The following GFRA1 variants were observed in gnomAD, a reference collection of about 807,000 sequenced individuals.
GFRA1 encodes the protein GDNF family receptor alpha-1.
GFRA1 carries 16 observed loss-of-function variants against 51.6 expected under a neutral mutation model. The observed-to-expected ratio is 0.31, with a 90% CI of 0.21 to 0.47. GFRA1 has a LOEUF of 0.47. Ranked by LOEUF, GFRA1 falls within the 20% of genes least tolerant of loss-of-function variation. GFRA1 has a pLI of 1.00. For synonymous variants in GFRA1, 270 were observed against 241.3 expected (o/e 1.12, Z -1.10); for missense variants, 530 against 594.3 (o/e 0.89, Z 1.13).
chr10:116,184,198 T>C (rs971803820), intron 5 of GFRA1, among the ~76,000 whole-genome samples: 3 of 152,258 alleles, frequency 2.0e-5, no homozygotes, highest in Non-Finnish European at 4.4e-5. Context: ...GACAGGCAGC[T>C]TTCCTGACCC....
chr10:116,112,798 A>G (rs1433404820), intron 6 of GFRA1, among the ~76,000 whole-genome samples: 1 of 152,104 alleles, frequency 6.6e-6, no homozygotes, highest in African/African-American at 2.4e-5. Context: ...TAATTACTCA[A>G]CCCATTTCCA....
At chr10:116,217,110 G>A (rs1408043588) in intron 4 of GFRA1, among the ~76,000 whole-genome samples, 1 of 152,130 alleles carries the variant, frequency 6.6e-6, no homozygotes, top group Non-Finnish European at 1.5e-5. Context: ...GGGCAGTTCT[G>A]TTTTCAGTTG....
intron 6 of GFRA1, among the ~76,000 whole-genome samples, chr10:116,118,826 A>G (rs1337084587): frequency 2.6e-5 from 4 of 152,196 alleles, no homozygotes; most frequent in Non-Finnish European, 5.9e-5. Flanking sequence ...CAGGTGAAGA[A>G]AGACGTGCTG....
intron 4 of GFRA1, among the ~76,000 whole-genome samples, chr10:116,262,986 C>T (rs969637697): frequency 5.9e-5 from 9 of 152,218 alleles, no homozygotes; most frequent in African/African-American, 1.9e-4. Context: ...AACTCACTTC[C>T]GACCACAGAG....
intron 6 of GFRA1, among the ~76,000 whole-genome samples, chr10:116,117,404 T>G (rs1957451895): frequency 6.6e-6 from 1 of 152,094 alleles, no homozygotes; most frequent in South Asian, 2.1e-4. Flanking sequence ...CATAGCACTT[T>G]GTCCCTTCCT....
intron 5 of GFRA1, among the ~76,000 whole-genome samples, chr10:116,179,265 C>T (rs1007464928): frequency 2.6e-5 from 4 of 152,176 alleles, no homozygotes; most frequent in Non-Finnish European, 5.9e-5. Context: ...ACAAACCCTA[C>T]GAGGTAAGTA....
chr10:116,251,740 G>A (rs1358714874), intron 4 of GFRA1, among the ~76,000 whole-genome samples: 1 of 152,088 alleles, frequency 6.6e-6, no homozygotes, highest in Non-Finnish European at 1.5e-5. Context: ...AGGAAAAGCA[G>A]GTGAAATGGT....
Position 116,138,942 on chromosome 10 carries a change from C to T in GFRA1, c.434-13385G>A, listed in dbSNP as rs148822748. Among the ~76,000 whole-genome samples, 1,050 of 152,294 alleles carry T rather than the reference C, an allele frequency of 6.9e-3. 9 individuals carry two copies. Among genetic ancestry groups the T allele is most frequent in the African/African-American group, 0.024 (1,009 of 41,564 alleles). ...TGAAGTTTAAGCCTCAGAATTTTTA[C>T]ATTAAAATTCCTTAGTCAGGACCTC... On this transcript the variant is annotated intron_variant, in intron 5 of 10. Coordinates refer to ENST00000355422, the MANE Select transcript of GFRA1 (RefSeq NM_005264.8).
intron 9 of GFRA1, among the ~76,000 whole-genome samples, chr10:116,078,505 G>A (rs140232814): frequency 0.021 from 3,268 of 152,214 alleles, 51 homozygotes; most frequent in Middle Eastern, 0.037. Context: ...CTGTGATAAA[G>A]CTTCCAGGAG....
chr10:116,078,719 C>T (rs1348163959), intron 9 of GFRA1, among the ~76,000 whole-genome samples: 1 of 152,078 alleles, frequency 6.6e-6, no homozygotes, highest in Admixed American at 6.6e-5. Flanking sequence ...ACAAAAATAA[C>T]AGCGGGTGCT....
rs1844066588 is a variant in GFRA1 at position 116,272,922 on chromosome 10, C to T, written c.-247+241G>A. The T allele has an allele frequency of 6.6e-6, 1 of 152,238 alleles. No homozygotes were observed. The highest frequency in any genetic ancestry group is 1.5e-5 in the Non-Finnish European group (1 of 68,114). 9.4% of individuals were successfully genotyped at this position (152,238 alleles called of 1,614,324 possible). A position where few individuals can be genotyped will look rare whatever the true frequency, so the allele number is the denominator to read the frequency against. ...CGTCCGCTCCTCTCACACTCTCGCC[C>T]GGTGCCCAGGACTCGGGCGCTTCCG... On this transcript the variant is annotated intron_variant, in intron 1 of 10. Transcript: ENST00000355422. This position sits in a 1 kb window ranked among gnomAD's most constrained non-coding sequence, Gnocchi z 4.4.
upstream of GFRA1, among the ~76,000 whole-genome samples, chr10:116,273,952 A>G (rs549699504): frequency 4.6e-5 from 7 of 151,824 alleles, no homozygotes; most frequent in East Asian, 1.4e-3. Flanking sequence ...CGCAGTCTCT[A>G]CCTCTCTCCT....
intron 5 of GFRA1, among the ~76,000 whole-genome samples, chr10:116,188,451 C>T (rs1589855975): frequency 1.3e-5 from 2 of 152,176 alleles, no homozygotes; most frequent in African/African-American, 4.8e-5. Flanking sequence ...TGGTTGCCAG[C>T]GTTTGGGTGG....
At chr10:116,246,551 A>G (rs2134665944) in intron 4 of GFRA1, among the ~76,000 whole-genome samples, 1 of 152,372 alleles carries the variant, frequency 6.6e-6, no homozygotes, top group Non-Finnish European at 1.5e-5. Context: ...TAATTAGCAA[A>G]AAACGAAAAG....
intron 5 of GFRA1, among the ~76,000 whole-genome samples, chr10:116,197,776 A>G (rs1208075815): frequency 6.6e-6 from 1 of 152,238 alleles, no homozygotes; most frequent in Non-Finnish European, 1.5e-5. Flanking sequence ...TACTTTAGCC[A>G]TGATGGCTAC....
chr10:116,110,857 G>A (rs1006797244), intron 6 of GFRA1, among the ~76,000 whole-genome samples: 6 of 152,182 alleles, frequency 3.9e-5, no homozygotes, highest in Admixed American at 3.9e-4. Context: ...TCTACCACCT[G>A]CCCTTGCCTA....
At chr10:116,181,928 C>A (rs1962269320) in intron 5 of GFRA1, among the ~76,000 whole-genome samples, 1 of 152,218 alleles carries the variant, frequency 6.6e-6, no homozygotes, top group African/African-American at 2.4e-5. Context: ...CAGGCGTGAG[C>A]CACTGGACCT....
Position 116,176,625 on chromosome 10 carries a change from T to C in GFRA1, c.433+35006A>G, listed in dbSNP as rs562226563. Among the ~76,000 whole-genome samples, 14 of 152,286 alleles carry C rather than the reference T, an allele frequency of 9.2e-5. No homozygotes were observed. The East Asian group carries it at 2.7e-3, about 29-fold the overall frequency. On this transcript the variant is annotated intron_variant, in intron 5 of 10. Transcript: ENST00000355422. ...GCTTCCTGTACAGCCCCCAGAACCA[T>C]GTAAATATCTTTTCTTTATAAATTA...
At chr10:116,171,629 A>G (rs1461557344) in intron 5 of GFRA1, among the ~76,000 whole-genome samples, 3 of 152,212 alleles carry the variant, frequency 2.0e-5, no homozygotes, top group African/African-American at 7.2e-5. Flanking sequence ...ATTTCGTGTA[A>G]TTAAATCACC....
Sources: gnomAD v4.1 joint callset for allele counts (sites outside exome capture counted in the v4.1 genomes callset) on GRCh38, gnomAD v4.1.1 for gene constraint, Gnocchi (gnomAD v3.1) non-coding constraint, MANE v1.5 for transcripts, NCBI Gene and HGNC (gene_info 2026-07-23, HGNC 2026-07-21) for gene names.